Variants in FBXL17 observed in about 807,000 individuals in gnomAD.
FBXL17 encodes F-box/LRR-repeat protein 17.
A neutral mutation model predicts 66.2 loss-of-function variants in FBXL17; 22 were observed. That is an observed-to-expected ratio of 0.33 (90% confidence interval 0.24 to 0.47). FBXL17 has a LOEUF of 0.47. Ranked by LOEUF, FBXL17 falls within the 20% of genes least tolerant of loss-of-function variation. The pLI is 1.00. For synonymous variants in FBXL17, 474 were observed against 400.5 expected (o/e 1.18, Z -2.19); for missense variants, 878 against 948.2 (o/e 0.93, Z 0.97).
At chr5:108,349,604 T>C (rs1313256011) in intron 3 of FBXL17, among the ~76,000 whole-genome samples, 44 of 152,224 alleles carry the variant, frequency 2.9e-4, no homozygotes, top group Admixed American at 2.9e-3. Context: ...GCAGTTTGTC[T>C]ATTTTGTTAA....
At chr5:107,950,410 G>T (rs1470627627) in intron 7 of FBXL17, among the ~76,000 whole-genome samples, 2 of 152,054 alleles carry the variant, frequency 1.3e-5, no homozygotes, top group Non-Finnish European at 2.9e-5. Flanking sequence ...TGAATATTCT[G>T]AATATAGAAT....
At chr5:108,184,747 CAAAAAAA>C (rs34512714) in intron 6 of FBXL17, among the ~76,000 whole-genome samples, 1 of 82,612 alleles carries the variant, frequency 1.2e-5, no homozygotes, top group Admixed American at 1.5e-4. Context: ...GACTCGGTCT[CAAAAAAA>C]AAAAAAAAAA....
rs1165222737 is a variant in FBXL17 at position 107,860,797 on chromosome 5, T to A, written c.*923A>T. 2 of 152,556 alleles carry A rather than the reference T, an allele frequency of 1.3e-5. No homozygotes were observed. Among genetic ancestry groups the A allele is most frequent in the Non-Finnish European group, 2.9e-5 (2 of 68,042 alleles). 9.5% of individuals were successfully genotyped at this position (152,556 alleles called of 1,614,324 possible). A position where few individuals can be genotyped will look rare whatever the true frequency, so the allele number is the denominator to read the frequency against. On this transcript the variant is annotated 3_prime_UTR_variant, in exon 9 of 9. Coordinates refer to ENST00000542267, the MANE Select transcript of FBXL17 (RefSeq NM_001163315.3). ...CCTCTCGTATCTCAGAAATAGACTT[T>A]AATAATTACCAAAATTAAGAAAATA...
At chr5:108,167,290 A>AAG (rs1752449201) in intron 6 of FBXL17, among the ~76,000 whole-genome samples, 1 of 152,226 alleles carries the variant, frequency 6.6e-6, no homozygotes, top group African/African-American at 2.4e-5. Context: ...CCATGAGGCT[A>AAG]AGATGGTGAT....
intron 6 of FBXL17, among the ~76,000 whole-genome samples, chr5:108,055,360 G>C (rs1018486949): frequency 4.9e-5 from 7 of 141,696 alleles, no homozygotes; most frequent in Admixed American, 1.4e-4. Context: ...TGTAATCCCA[G>C]CACTTTGAGA....
At chr5:108,053,586 T>C (rs931945639) in intron 6 of FBXL17, among the ~76,000 whole-genome samples, 1 of 152,054 alleles carries the variant, frequency 6.6e-6, no homozygotes, top group African/African-American at 2.4e-5. Flanking sequence ...CCAGTCAGAA[T>C]GGCAATTATT....
intron 4 of FBXL17, among the ~76,000 whole-genome samples, chr5:108,232,897 A>G (rs1755429676): frequency 6.7e-6 from 1 of 149,952 alleles, no homozygotes; most frequent in Non-Finnish European, 1.5e-5. Flanking sequence ...CTGTATGGAT[A>G]TACTACATCT....
chr5:107,953,100 TAA>T (rs33992401), intron 7 of FBXL17, among the ~76,000 whole-genome samples: 1 of 151,274 alleles, frequency 6.6e-6, no homozygotes, highest in Non-Finnish European at 1.5e-5. Context: ...TTTCATACTT[TAA>T]AAAAAAAAGG....
chr5:108,241,957 C>T (rs915141479), intron 4 of FBXL17, among the ~76,000 whole-genome samples: 1 of 152,038 alleles, frequency 6.6e-6, no homozygotes, highest in Non-Finnish European at 1.5e-5. Context: ...TAAAGACTTT[C>T]CCAGACCGAC....
intron 4 of FBXL17, among the ~76,000 whole-genome samples, chr5:108,242,264 C>A (rs1263176728): frequency 6.6e-6 from 1 of 152,044 alleles, no homozygotes; most frequent in Non-Finnish European, 1.5e-5. Flanking sequence ...TCATTGTAAC[C>A]TGGAACTCCT....
chr5:107,908,195 A>T (rs1187326557), intron 7 of FBXL17, among the ~76,000 whole-genome samples: 1 of 152,174 alleles, frequency 6.6e-6, no homozygotes, highest in Non-Finnish European at 1.5e-5. Context: ...TATCGCAAGA[A>T]CAAAAAAGCA....
chr5:108,006,852 G>A (rs1753945429), intron 7 of FBXL17, among the ~76,000 whole-genome samples: 1 of 152,270 alleles, frequency 6.6e-6, no homozygotes, highest in African/African-American at 2.4e-5. Context: ...CAACTATATG[G>A]TGGTTGAGAA....
intron 6 of FBXL17, among the ~76,000 whole-genome samples, chr5:108,028,240 T>C (rs1163591702): frequency 6.6e-6 from 1 of 152,074 alleles, no homozygotes; most frequent in Non-Finnish European, 1.5e-5. Context: ...ACAAAAACAT[T>C]AATAGTGAAA....
At chr5:107,864,050 T>C (rs1237163508) in intron 8 of FBXL17, among the ~76,000 whole-genome samples, 2 of 152,222 alleles carry the variant, frequency 1.3e-5, no homozygotes, top group African/African-American at 2.4e-5. Flanking sequence ...CCAAGGCATG[T>C]TACTTCTTTA....
intron 7 of FBXL17, among the ~76,000 whole-genome samples, chr5:107,938,700 G>A (rs1750990540): frequency 6.6e-6 from 1 of 152,032 alleles, no homozygotes; most frequent in Non-Finnish European, 1.5e-5. Flanking sequence ...ACTCTCCAGA[G>A]AGCTTCCAAC....
chr5:108,294,223 T>C (rs1424104872), intron 4 of FBXL17, among the ~76,000 whole-genome samples: 2 of 146,982 alleles, frequency 1.4e-5, no homozygotes, highest in South Asian at 2.1e-4. Flanking sequence ...ACTATATATA[T>C]GGTATATATA....
In FBXL17 at chr5:107,861,839, G is replaced by T. The variant is rs1336885544; in HGVS notation, c.1987C>A (p.Gln663Lys). ...ATGTGGGGGTACTGCTGCACCAGCT[G>T]TTCCACCGTCACTTCGTTGACCTGC... ...CDKVNEVTVEQLVQQYPHITF... is the reference protein window; with the variant it reads ...CDKVNEVTVEKLVQQYPHITF... Residue 663 changes from glutamine (Q) to lysine (K), a missense_variant, in exon 9 of 9, where the codon CAG becomes AAG. By Grantham distance (53) the Gln-to-Lys change is moderately conservative. Coordinates refer to ENST00000542267, the MANE Select transcript of FBXL17 (RefSeq NM_001163315.3). 1.3e-5 allele frequency: 20 copies of T among 1,546,424 alleles called. No individual in the cohort carries two copies. Among genetic ancestry groups the T allele is most frequent in the Non-Finnish European group, 1.8e-5 (20 of 1,141,704 alleles).
At chr5:108,022,805 A>T (rs1252700472) in intron 6 of FBXL17, among the ~76,000 whole-genome samples, 2 of 152,156 alleles carry the variant, frequency 1.3e-5, no homozygotes, top group Non-Finnish European at 2.9e-5. Context: ...TGTACAAGCC[A>T]AGTCAAATGT....
intron 6 of FBXL17, among the ~76,000 whole-genome samples, chr5:108,104,580 A>G (rs975797673): frequency 2.6e-5 from 4 of 152,364 alleles, no homozygotes; most frequent in Middle Eastern, 3.4e-3. Context: ...GTTAAGATAT[A>G]GTCTCTGTCC....
Sources: allele counts gnomAD v4.1 joint callset (sites outside exome capture counted in the v4.1 genomes callset), GRCh38; gene constraint gnomAD v4.1.1; transcripts MANE v1.5; gene names NCBI Gene and HGNC (gene_info 2026-07-23, HGNC 2026-07-21).